The following ARRB2 variants were observed in gnomAD, a reference collection of about 807,000 sequenced individuals.
ARRB2 encodes beta-arrestin-2.
ARRB2 carries 21 observed loss-of-function variants against 53.4 expected under a neutral mutation model. That is an observed-to-expected ratio of 0.39 (90% confidence interval 0.28 to 0.57). The LOEUF is 0.57. Among genes scored for constraint, ARRB2 ranks in the 20% least tolerant of loss-of-function variants. ARRB2 has a pLI of 0.55. For synonymous variants in ARRB2, 180 were observed against 212.9 expected (o/e 0.85, Z 1.34); for missense variants, 369 against 527.5 (o/e 0.70, Z 2.94).
chr17:4,720,729 G>C (rs1374782803), intron 14 of ARRB2, 89 bp downstream of exon 14: 15 of 1,258,538 alleles, frequency 1.2e-5, no homozygotes, highest in Non-Finnish European at 1.5e-5. Flanking sequence ...CTTGCTTTTG[G>C]TGGGGAGAAG....
chr17:4,720,522 G>A, intron 13 of ARRB2, 50 bp downstream of exon 13: 1 of 1,587,296 alleles, frequency 6.3e-7, no homozygotes, highest in Non-Finnish European at 8.6e-7. Flanking sequence ...CTGAAGCAGG[G>A]CCAGTGGAGG....
rs920087691 is a variant in ARRB2, at chr17:4,715,067, T to C, written c.54+24T>C. Reference sequence around the variant, plus strand: ...AGGTGAGTCTCCACAGCACTTACCCTTTTGACCCTCCCTGGGCCCCAACAA... The same window carrying C: ...AGGTGAGTCTCCACAGCACTTACCCCTTTGACCCTCCCTGGGCCCCAACAA... On this transcript the variant is annotated intron_variant, in intron 2 of 14. Transcript: ENST00000269260. 7 of 1,602,270 alleles carry C rather than the reference T, an allele frequency of 4.4e-6. No homozygotes were observed. In the African/African-American group the frequency reaches 9.4e-5, roughly 21 times the overall value.
rs1010440696 is a variant in ARRB2 at position 4,717,744 on chromosome 17, C to A, written c.477C>A (p.Ser159Arg). Residue 159 changes from serine to arginine, a missense_variant, in exon 7 of 15, where the codon AGC (serine) becomes AGA (arginine). Ser to Arg is a moderately radical substitution (Grantham distance 110). Coordinates refer to ENST00000269260, the MANE Select transcript of ARRB2 (RefSeq NM_004313.4). The surrounding 1 kb of genome is among the most constrained non-coding windows in gnomAD (Gnocchi z 6.0). ...AFCAKSLEEK[S>R]HKRNSVRLVI... ...GTGCTAAATCACTAGAAGAGAAAAG[C>A]CACAAAAGGTAAGGGAAGTGACCTC... 1 of 1,612,998 alleles carries A rather than the reference C, an allele frequency of 6.2e-7. No individual in the cohort carries two copies. Among genetic ancestry groups the A allele is most frequent in the Non-Finnish European group, 8.5e-7 (1 of 1,179,590 alleles).
At chr17:4,713,585 C>G (rs998326777) in intron 1 of ARRB2, among the ~76,000 whole-genome samples, 1 of 151,752 alleles carries the variant, frequency 6.6e-6, no homozygotes, top group Admixed American at 6.6e-5. Flanking sequence ...GAGCCGAGAT[C>G]GCACCACTGC....
Position 4,717,108 on chromosome 17 carries a change from A to T in ARRB2, c.358-109A>T. The T allele has an allele frequency of 7.9e-7, 1 of 1,263,414 alleles. No homozygotes were observed. The highest frequency in any genetic ancestry group is 1.2e-6 in the Non-Finnish European group (1 of 866,090). 78.3% of individuals were successfully genotyped at this position (1,263,414 alleles called of 1,614,324 possible). ...CTTAGCCTTCCAAAGTGTTGGGATT[A>T]CAGGCATGAGCCACCACACCCAGCG... On this transcript the variant is annotated intron_variant, in intron 5 of 14. Transcript: ENST00000269260. This position sits in a 1 kb window ranked among gnomAD's most constrained non-coding sequence, Gnocchi z 6.0.
rs1018314415 is a variant in ARRB2 at position 4,721,313 on chromosome 17, A to C, written c.*274A>C. On this transcript the variant is annotated 3_prime_UTR_variant, in exon 15 of 15. Coordinates refer to ENST00000269260, the MANE Select transcript of ARRB2 (RefSeq NM_004313.4). The surrounding 1 kb of genome is among the most constrained non-coding windows in gnomAD (Gnocchi z 4.2). ...TGTGTTCATACCTAAATTTTCTGGA[A>C]GGGGACAGTGAAAAGAGGAGTGACA... 3 of 465,842 alleles carry C rather than the reference A, an allele frequency of 6.4e-6. No individual in the cohort carries two copies. The highest frequency in any genetic ancestry group is 6.0e-5 in the African/African-American group (3 of 49,944). 28.9% of individuals were successfully genotyped at this position (465,842 alleles called of 1,614,324 possible). A position where few individuals can be genotyped will look rare whatever the true frequency, so the allele number is the denominator to read the frequency against.
intron 2 of ARRB2, chr17:4,715,714 C>CAT: frequency 1.3e-5 from 6 of 465,006 alleles, no homozygotes; most frequent in Non-Finnish European, 2.4e-5. Flanking sequence ...CACACACACA[C>CAT]ACACACACAC....
chr17:4,712,168 GGGGA>G (rs1045486065), intron 1 of ARRB2, among the ~76,000 whole-genome samples: 48 of 152,380 alleles, frequency 3.2e-4, no homozygotes, highest in African/African-American at 1.1e-3. Flanking sequence ...CAGAAGCAAA[GGGGA>G]GGGAGAGCCT....
chr17:4,720,229 G>A lies in ARRB2; in HGVS notation c.931G>A (p.Ala311Thr). The change falls in exon 12 of 15, where the codon GCC becomes ACC. Residue 311 changes from alanine to threonine, a missense_variant. Transcript: ENST00000269260. ...LASSTIVKEG[A>T]NKEVLGILVS... ...CCTCAATTGCAGCGTGAAGGAGGGT[G>A]CCAACAAGGAGGTGCTGGGAATCCT... 6.2e-7 allele frequency: 1 copy of A among 1,613,350 alleles called. No individual in the cohort carries two copies. The highest frequency in any genetic ancestry group is 8.5e-7 in the Non-Finnish European group (1 of 1,179,682).
Position 4,717,563 on chromosome 17 carries a change from A to G in ARRB2, c.418-122A>G. 6.1e-6 allele frequency: 8 copies of G among 1,314,596 alleles called. No homozygotes were observed. Among genetic ancestry groups the G allele is most frequent in the Non-Finnish European group, 8.7e-6 (8 of 922,932 alleles). 81.4% of individuals were successfully genotyped at this position (1,314,596 alleles called of 1,614,324 possible). A position where few individuals can be genotyped will look rare whatever the true frequency, so the allele number is the denominator to read the frequency against. On this transcript the variant is annotated intron_variant, in intron 6 of 14. Coordinates refer to ENST00000269260, the MANE Select transcript of ARRB2 (RefSeq NM_004313.4). The surrounding 1 kb of genome is among the most constrained non-coding windows in gnomAD (Gnocchi z 6.0). ...TGGAGAGGAAGAAGACTTAGTCCCCAGGGTCGTGAGACCACAATGAGGCAA... is the reference window on the plus strand; with the variant it reads ...TGGAGAGGAAGAAGACTTAGTCCCCGGGGTCGTGAGACCACAATGAGGCAA...
At chr17:4,715,921 T>C in intron 2 of ARRB2, 52 bp from the exon 3 acceptor site, 1 of 1,609,046 alleles carries the variant, frequency 6.2e-7, no homozygotes, top group South Asian at 1.1e-5. Flanking sequence ...AGGGCTCCGA[T>C]GCCCTGTCAC....
chr17:4,716,644 T>C, intron 5 of ARRB2, 36 bp downstream of exon 5: 4 of 1,542,234 alleles, frequency 2.6e-6, no homozygotes, highest in African/African-American at 2.7e-5. Flanking sequence ...GCCAGGGGGC[T>C]GGGGCTGGGA....
In ARRB2 at chr17:4,720,568, C is replaced by G; in HGVS notation, c.1082-18C>G. 1.9e-6 allele frequency: 3 copies of G among 1,576,406 alleles called. No individual in the cohort carries two copies. Among genetic ancestry groups the G allele is most frequent in the East Asian group, 2.2e-5 (1 of 44,768 alleles). On this transcript the variant is annotated intron_variant, in intron 13 of 14. Coordinates refer to ENST00000269260, the MANE Select transcript of ARRB2 (RefSeq NM_004313.4). The stretch of plus-strand genomic sequence containing the variant: ...CTTCCAGCACCCACCCCCACACCCC[C>G]TCTTCCCGTCCCCCCAGCCGCTCCG...
In ARRB2 at chr17:4,716,520, C is replaced by G. The variant is rs770148687; in HGVS notation, c.269C>G (p.Pro90Arg). 1 of 1,612,464 alleles carries G rather than the reference C, an allele frequency of 6.2e-7. No homozygotes were observed. The highest frequency in any genetic ancestry group is 8.5e-7 in the Non-Finnish European group (1 of 1,179,460). The change falls in exon 5 of 15, where the codon CCG becomes CGG. Residue 90 changes from proline (P) to arginine (R), a missense_variant. Coordinates refer to ENST00000269260, the MANE Select transcript of ARRB2 (RefSeq NM_004313.4). Reference sequence around the variant, plus strand: ...ATCGCCACCTACCAGGCCTTCCCCCCGGTGCCCAACCCACCCCGGCCCCCC... The same window carrying G: ...ATCGCCACCTACCAGGCCTTCCCCCGGGTGCCCAACCCACCCCGGCCCCCC... ...LFIATYQAFP[P>R]VPNPPRPPTR...
At chr17:4,715,747 T>A in intron 2 of ARRB2, 1 of 532,266 alleles carries the variant, frequency 1.9e-6, no homozygotes, top group Admixed American at 3.4e-5. Context: ...ACCGGGCTGG[T>A]GGGCAGAGGT....
chr17:4,718,438 C>A, intron 9 of ARRB2, 93 bp downstream of exon 9: 1 of 1,413,644 alleles, frequency 7.1e-7, no homozygotes, highest in Non-Finnish European at 9.9e-7. Context: ...TTTCCCAGTG[C>A]GGGAGACCCA....
In ARRB2 at chr17:4,718,632, T is replaced by G; in HGVS notation, c.727T>G (p.Cys243Gly). 1 of 1,613,776 alleles carries G rather than the reference T, an allele frequency of 6.2e-7. No individual in the cohort carries two copies. Residue 243 changes from cysteine to glycine, a missense_variant, in exon 10 of 15, where the codon TGC becomes GGC. By Grantham distance (159) the Cys-to-Gly change is radical. Coordinates refer to ENST00000269260, the MANE Select transcript of ARRB2 (RefSeq NM_004313.4). Reference protein sequence around the residue: ...KVSVRQYADICLFSTAQYKCP... With the variant: ...KVSVRQYADIGLFSTAQYKCP... ...CACAGTGAGACAGTACGCCGACATC[T>G]GCCTCTTCAGCACCGCCCAGTACAA...
chr17:4,721,200 G>A lies in ARRB2; in HGVS notation c.*161G>A. 4.4e-6 allele frequency: 3 copies of A among 677,622 alleles called. No homozygotes were observed. The South Asian group carries it at 5.6e-5, about 13-fold the overall frequency. The allele number at this position is 677,622 out of a possible 1,614,324, so 42.0% of individuals were successfully genotyped here. A position where few individuals can be genotyped will look rare whatever the true frequency, so the allele number is the denominator to read the frequency against. On this transcript the variant is annotated 3_prime_UTR_variant, in exon 15 of 15. Transcript: ENST00000269260. This position sits in a 1 kb window ranked among gnomAD's most constrained non-coding sequence, Gnocchi z 4.2. ...CACACTCTCTCCCCCATCCCCCCAA[G>A]ATACACACTGGACCCTCTCTTGCTG...
chr17:4,719,319 G>A lies in ARRB2; in HGVS notation c.816G>A (p.Val272=), dbSNP rs370746916. The change falls in exon 11 of 15, where the codon GTG becomes GTA. Residue 272 remains valine (V), a synonymous_variant. Transcript: ENST00000269260. ...QVSPSSTFCK[V]YTITPLLSDN... is the part of the protein sequence containing the mutation. ...CTCCCAGCTCCACATTCTGTAAGGT[G>A]TACACCATAACCCCACTGCTCAGCG... The A allele has an allele frequency of 1.2e-6, 2 of 1,614,106 alleles. No individual in the cohort carries two copies. Among genetic ancestry groups the A allele is most frequent in the Non-Finnish European group, 1.7e-6 (2 of 1,179,992 alleles).
Sources: allele counts gnomAD v4.1 joint callset (sites outside exome capture counted in the v4.1 genomes callset), GRCh38; gene constraint gnomAD v4.1.1; non-coding constraint Gnocchi (gnomAD v3.1); transcripts MANE v1.5; gene names NCBI Gene and HGNC (gene_info 2026-07-23, HGNC 2026-07-21).